Variants in RAB11A observed in about 807,000 individuals in gnomAD.
RAB11A encodes RAB11A, member RAS oncogene family.
In RAB11A, 9 loss-of-function variants were observed where a neutral mutation model predicts 28.0. The observed-to-expected ratio is 0.32, with a 90% CI of 0.19 to 0.56. The LOEUF (loss-of-function observed/expected upper bound fraction) is 0.56. Among genes scored for constraint, RAB11A ranks in the 20% least tolerant of loss-of-function variants. RAB11A has a pLI of 0.91. For synonymous variants in RAB11A, 85 were observed against 88.2 expected, an observed-to-expected ratio of 0.96 and a Z score of 0.20; for missense variants, 108 against 269.6, an observed-to-expected ratio of 0.40 and a Z score of 4.20.
intron 4 of RAB11A, among the ~76,000 whole-genome samples, chr15:65,882,023 C>T (rs2141106500): frequency 6.6e-6 from 1 of 152,134 alleles, no homozygotes; most frequent in South Asian, 2.1e-4. Context: ...TGCACTCCAG[C>T]CTTGTGGGCA....
intron 4 of RAB11A, among the ~76,000 whole-genome samples, chr15:65,885,980 G>A (rs1021158353): frequency 3.9e-5 from 6 of 152,202 alleles, no homozygotes; most frequent in African/African-American, 1.2e-4. Context: ...ACATTATCTC[G>A]TGAAAGAGTC....
At chr15:65,874,806 G>A in intron 1 of RAB11A, among the ~76,000 whole-genome samples, 1 of 152,000 alleles carries the variant, frequency 6.6e-6, no homozygotes, top group East Asian at 2.0e-4. Flanking sequence ...AGTACTTTGG[G>A]AGGCCAAAGC....
chr15:65,869,538 C>G lies in RAB11A; in HGVS notation c.-48C>G, dbSNP rs1567135382. The G allele has an allele frequency of 1.2e-6, 2 of 1,601,100 alleles. No individual in the cohort carries two copies. Among genetic ancestry groups the G allele is most frequent in the Non-Finnish European group, 1.7e-6 (2 of 1,175,676 alleles). ...TACCCCTGCAGCGACGCCCCCTGGTCCCACAGATACCACTGCTGCTCCCGC... is the reference window on the plus strand; with the variant it reads ...TACCCCTGCAGCGACGCCCCCTGGTGCCACAGATACCACTGCTGCTCCCGC... On this transcript the variant is annotated 5_prime_UTR_variant, in exon 1 of 5. Coordinates refer to ENST00000261890, the MANE Select transcript of RAB11A (RefSeq NM_004663.5).
chr15:65,885,843 C>A (rs1380605478), intron 4 of RAB11A, among the ~76,000 whole-genome samples: 1 of 152,208 alleles, frequency 6.6e-6, no homozygotes. Flanking sequence ...AGATGACCCA[C>A]CTCCCAATGG....
Position 65,889,553 on chromosome 15 carries a change from A to G in RAB11A, c.*1713A>G, listed in dbSNP as rs1458312694. The G allele has an allele frequency of 6.6e-6, 1 of 152,208 alleles. No individual in the cohort carries two copies. The highest frequency in any genetic ancestry group is 1.5e-5 in the Non-Finnish European group (1 of 68,038). 9.4% of individuals were successfully genotyped at this position (152,208 alleles called of 1,614,324 possible). The stretch of plus-strand genomic sequence containing the variant: ...TAGGTTCTTGCATTACTGAGTAAAC[A>G]TTGAATTGGGAGCATCAGTGTGTGA... On this transcript the variant is annotated 3_prime_UTR_variant, in exon 5 of 5. Transcript: ENST00000261890.
chr15:65,888,140 A>G lies in RAB11A; in HGVS notation c.*300A>G, dbSNP rs1036802185. 2 of 233,386 alleles carry G rather than the reference A, an allele frequency of 8.6e-6. No homozygotes were observed. The highest frequency in any genetic ancestry group is 5.6e-5 in the Admixed American group (1 of 17,770). 14.5% of individuals were successfully genotyped at this position (233,386 alleles called of 1,614,324 possible). On this transcript the variant is annotated 3_prime_UTR_variant, in exon 5 of 5. Coordinates refer to ENST00000261890, the MANE Select transcript of RAB11A (RefSeq NM_004663.5). ...GTCACTGTATGTAGGACATAATAGA[A>G]CTTGATCACTTGAAGCTCAGACCTA...
At chr15:65,870,428 G>A (rs181133144) in intron 1 of RAB11A, among the ~76,000 whole-genome samples, 94 of 152,300 alleles carry the variant, frequency 6.2e-4, no homozygotes, top group African/African-American at 2.1e-3. Context: ...GCAGTGACCC[G>A]GCAGGCTGAC....
chr15:65,881,568 A>G (rs2078222564), intron 4 of RAB11A, among the ~76,000 whole-genome samples: 1 of 152,130 alleles, frequency 6.6e-6, no homozygotes, highest in African/African-American at 2.4e-5. Context: ...ATTCTGGCCC[A>G]TTTATTCTGA....
chr15:65,870,785 T>C (rs1596779884), intron 1 of RAB11A, among the ~76,000 whole-genome samples: 3 of 152,256 alleles, frequency 2.0e-5, no homozygotes, highest in Admixed American at 2.0e-4. Flanking sequence ...CGGAAACATG[T>C]AGTGCCCTTG....
At position 65,878,002 on chromosome 15, in the gene RAB11A, G is replaced by A; in HGVS notation, c.430+47G>A. On this transcript the variant is annotated intron_variant, in intron 3 of 4. Coordinates refer to ENST00000261890, the MANE Select transcript of RAB11A (RefSeq NM_004663.5). ...ATATTTCTTACCATTGTGTCTTGTG[G>A]TTTTGATACCTTCCAATGAGAGTAA... 1.2e-5 allele frequency: 18 copies of A among 1,507,732 alleles called. 1 individual carries two copies. The South Asian group carries it at 2.0e-4, about 17-fold the overall frequency. 93.4% of individuals were successfully genotyped at this position (1,507,732 alleles called of 1,614,324 possible).
intron 4 of RAB11A, among the ~76,000 whole-genome samples, chr15:65,883,175 G>A (rs1214922204): frequency 5.3e-5 from 8 of 152,150 alleles, no homozygotes; most frequent in Non-Finnish European, 2.9e-5. Context: ...TTTAATTACA[G>A]ACCTTATTCA....
chr15:65,877,592 GT>G lies in RAB11A; in HGVS notation c.236+66del. On this transcript the variant is annotated intron_variant, in intron 2 of 4. Coordinates refer to ENST00000261890, the MANE Select transcript of RAB11A (RefSeq NM_004663.5). The surrounding 1 kb of genome is among the most constrained non-coding windows in gnomAD (Gnocchi z 4.1). The stretch of plus-strand genomic sequence containing the variant: ...CATCGAGTGAATTAGCTGACTTTTG[GT>G]ATTGGAAAAAGAACTGTTGTTTTTT... 5 of 1,490,690 alleles carry G rather than the reference GT, an allele frequency of 3.4e-6. No homozygotes were observed. The highest frequency in any genetic ancestry group is 4.5e-6 in the Non-Finnish European group (5 of 1,101,178). 92.3% of individuals were successfully genotyped at this position (1,490,690 alleles called of 1,614,324 possible). A position where few individuals can be genotyped will look rare whatever the true frequency, so the allele number is the denominator to read the frequency against.
chr15:65,873,463 A>G (rs930887980), intron 1 of RAB11A, among the ~76,000 whole-genome samples: 1 of 152,186 alleles, frequency 6.6e-6, no homozygotes, highest in Non-Finnish European at 1.5e-5. Flanking sequence ...TTCTTTCACA[A>G]GTTTTGGTTG....
At chr15:65,883,744 G>T (rs970385012) in intron 4 of RAB11A, among the ~76,000 whole-genome samples, 3 of 152,024 alleles carry the variant, frequency 2.0e-5, no homozygotes. Flanking sequence ...GTAGAGACCG[G>T]TTTTACCATG....
chr15:65,883,523 G>T (rs2078235580), intron 4 of RAB11A, among the ~76,000 whole-genome samples: 1 of 152,156 alleles, frequency 6.6e-6, no homozygotes, highest in Admixed American at 6.5e-5. Flanking sequence ...TGACCACTTG[G>T]TTAAGGTGAT....
intron 3 of RAB11A, 190 bp downstream of exon 3, chr15:65,878,145 C>G (rs1229212702): frequency 6.0e-6 from 4 of 664,898 alleles, no homozygotes; most frequent in African/African-American, 1.8e-5. Context: ...TATTTTGCTG[C>G]CAAAAAATGA....
chr15:65,871,169 C>G (rs553486146), intron 1 of RAB11A, among the ~76,000 whole-genome samples: 10 of 152,328 alleles, frequency 6.6e-5, no homozygotes, highest in African/African-American at 2.2e-4. Flanking sequence ...GATTTCTTTG[C>G]TTTCCCAATA....
In RAB11A at chr15:65,887,948, T is replaced by C; in HGVS notation, c.*108T>C. On this transcript the variant is annotated 3_prime_UTR_variant, in exon 5 of 5. Coordinates refer to ENST00000261890, the MANE Select transcript of RAB11A (RefSeq NM_004663.5). ...ACTTTTGTGTTTTATTACTTCATAC[T>C]TATGAATTTTTCCATGTCCTAAGTC... 1 of 1,187,944 alleles carries C rather than the reference T, an allele frequency of 8.4e-7. No individual in the cohort carries two copies. 73.6% of individuals were successfully genotyped at this position (1,187,944 alleles called of 1,614,324 possible).
At position 65,887,866 on chromosome 15, in the gene RAB11A, C is replaced by T; in HGVS notation, c.*26C>T. ...GGCATTTCTCTTCTCCCCTAGAAGG[C>T]TGTGTATAGTCCATTTCCCAGGTCT... On this transcript the variant is annotated 3_prime_UTR_variant, in exon 5 of 5. Coordinates refer to ENST00000261890, the MANE Select transcript of RAB11A (RefSeq NM_004663.5). 6.4e-7 allele frequency: 1 copy of T among 1,573,594 alleles called. No homozygotes were observed. The highest frequency in any genetic ancestry group is 8.6e-7 in the Non-Finnish European group (1 of 1,162,678).
Sources: gnomAD v4.1 joint callset for allele counts (sites outside exome capture counted in the v4.1 genomes callset) on GRCh38, gnomAD v4.1.1 for gene constraint, Gnocchi (gnomAD v3.1) non-coding constraint, MANE v1.5 for transcripts, NCBI Gene and HGNC (gene_info 2026-07-23, HGNC 2026-07-21) for gene names.